The following IGF2BP3 variants were observed in gnomAD, a reference collection of about 807,000 sequenced individuals.
IGF2BP3 encodes the protein insulin-like growth factor 2 mRNA-binding protein 3.
IGF2BP3 carries 9 observed loss-of-function variants against 73.8 expected under a neutral mutation model. The observed-to-expected ratio is 0.12, with a 90% CI of 0.07 to 0.21. IGF2BP3 has a LOEUF of 0.21. IGF2BP3 is among the 10% of genes least tolerant of loss of function. The probability of loss-of-function intolerance (pLI) is 1.00; values close to 1 mark genes in which losing one functional copy is unlikely to be tolerated. For missense variants in IGF2BP3, 542 were observed against 714.0 expected, an observed-to-expected ratio of 0.76 and a Z score of 2.75; for synonymous variants, 258 against 256.7, an observed-to-expected ratio of 1.01 and a Z score of -0.05.
At chr7:23,323,002 A>C (rs1422469176) in intron 10 of IGF2BP3, among the ~76,000 whole-genome samples, 2 of 152,230 alleles carry the variant, frequency 1.3e-5, no homozygotes, top group Non-Finnish European at 2.9e-5. Flanking sequence ...ACTAGGAAGA[A>C]ACTGCATGAA....
At chr7:23,390,010 G>A (rs1429649098) in intron 3 of IGF2BP3, among the ~76,000 whole-genome samples, 1 of 151,986 alleles carries the variant, frequency 6.6e-6, no homozygotes, top group Admixed American at 6.6e-5. Context: ...TTGACTATTG[G>A]TCAAAGATAG....
At chr7:23,373,957 C>T (rs759623330) in intron 3 of IGF2BP3, among the ~76,000 whole-genome samples, 1 of 152,228 alleles carries the variant, frequency 6.6e-6, no homozygotes, top group Non-Finnish European at 1.5e-5. Context: ...CTCCCCTCTA[C>T]CTTTCACCAT....
chr7:23,443,186 TGCGATCTC>T (rs1359006004), intron 2 of IGF2BP3, among the ~76,000 whole-genome samples: 3 of 138,582 alleles, frequency 2.2e-5, no homozygotes, highest in African/African-American at 8.3e-5. Context: ...AGTGCAGTGG[TGCGATCTC>T]GGCTCACTGT....
chr7:23,329,401 A>T (rs965347511), intron 10 of IGF2BP3, among the ~76,000 whole-genome samples: 2 of 152,166 alleles, frequency 1.3e-5, no homozygotes, highest in African/African-American at 4.8e-5. Flanking sequence ...TTCCAACTTC[A>T]ATGTTTCAAT....
intron 2 of IGF2BP3, among the ~76,000 whole-genome samples, chr7:23,462,394 C>T (rs972051759): frequency 6.8e-6 from 1 of 147,988 alleles, no homozygotes; most frequent in African/African-American, 2.5e-5. Flanking sequence ...CGGAGTCTTG[C>T]TCTGTCACCC....
intron 3 of IGF2BP3, among the ~76,000 whole-genome samples, chr7:23,385,369 A>T (rs1786049507): frequency 6.6e-6 from 1 of 152,228 alleles, no homozygotes; most frequent in Non-Finnish European, 1.5e-5. Flanking sequence ...TTGGCAGCAC[A>T]GTACAATCAC....
Position 23,351,202 on chromosome 7 carries a change from C to T in IGF2BP3, c.683+103G>A, listed in dbSNP as rs183619706. On this transcript the variant is annotated intron_variant, in intron 6 of 14. Coordinates refer to ENST00000258729, the MANE Select transcript of IGF2BP3 (RefSeq NM_006547.3). ...TCCCAAGTACTGTACAAGGAGTCCT[C>T]ATGGCTGTGTTCAGAAGGGCACCAA... 4.7e-3 allele frequency: 5,995 copies of T among 1,287,018 alleles called. 28 individuals carry two copies. The highest frequency in any genetic ancestry group is 7.3e-3 in the South Asian group (534 of 72,672). 79.7% of individuals were successfully genotyped at this position (1,287,018 alleles called of 1,614,324 possible).
At chr7:23,396,440 TA>T in intron 3 of IGF2BP3, 1 of 174,500 alleles carries the variant, frequency 5.7e-6, no homozygotes, top group Non-Finnish European at 1.3e-5. Flanking sequence ...CACACAATGC[TA>T]AGTCAAATAA....
At chr7:23,426,645 G>C (rs1390487915) in intron 2 of IGF2BP3, among the ~76,000 whole-genome samples, 1 of 152,194 alleles carries the variant, frequency 6.6e-6, no homozygotes, top group African/African-American at 2.4e-5. Flanking sequence ...TCCTGTAATA[G>C]TGTTTAATAC....
chr7:23,407,326 G>C (rs1298571452), intron 3 of IGF2BP3, among the ~76,000 whole-genome samples: 1 of 148,260 alleles, frequency 6.7e-6, no homozygotes, highest in Non-Finnish European at 1.5e-5. Flanking sequence ...AAAAAAAAAA[G>C]GGCTGGGTGT....
At chr7:23,389,855 C>A (rs1786214929) in intron 3 of IGF2BP3, among the ~76,000 whole-genome samples, 2 of 148,310 alleles carry the variant, frequency 1.3e-5, no homozygotes, top group African/African-American at 5.1e-5. Context: ...AAAAAATTAG[C>A]TGGGTGTGGT....
In IGF2BP3 at chr7:23,327,901, A is replaced by G. The variant is rs536923794; in HGVS notation, c.1204-8647T>C. On this transcript the variant is annotated intron_variant, in intron 10 of 14. Transcript: ENST00000258729. Reference sequence around the variant, plus strand: ...ATCCATGGAGAGATACTGATCACCAACGGCAGAACCCCACATCAGACACAC... The same window carrying G: ...ATCCATGGAGAGATACTGATCACCAGCGGCAGAACCCCACATCAGACACAC... 2.6e-5 allele frequency among the ~76,000 whole-genome samples: 4 copies of G among 152,294 alleles called. No homozygotes were observed. The East Asian group carries it at 7.7e-4, about 29-fold the overall frequency.
chr7:23,414,859 C>T (rs1787136652), intron 3 of IGF2BP3: 2 of 174,686 alleles, frequency 1.1e-5, no homozygotes, highest in Non-Finnish European at 1.2e-5. Flanking sequence ...AGGCCCTGTC[C>T]GTCAGTCGGC....
Position 23,469,798 on chromosome 7 carries a change from C to A in IGF2BP3, c.175+138G>T, listed in dbSNP as rs1788671373. The A allele has an allele frequency of 7.6e-6, 3 of 395,474 alleles. No homozygotes were observed. Among genetic ancestry groups the A allele is most frequent in the Non-Finnish European group, 1.3e-5 (3 of 236,036 alleles). The allele number at this position is 395,474 out of a possible 1,614,324, so 24.5% of individuals were successfully genotyped here. On this transcript the variant is annotated intron_variant, in intron 1 of 14. Transcript: ENST00000258729. This position sits in a 1 kb window ranked among gnomAD's most constrained non-coding sequence, Gnocchi z 6.1. ...GCTGAGGAGAGCCCCGGCCCCCACG[C>A]GCGTGGGTGTGGGCGCTCAGGCCTC...
chr7:23,411,463 T>A (rs1002512429), intron 3 of IGF2BP3, among the ~76,000 whole-genome samples: 1 of 151,926 alleles, frequency 6.6e-6, no homozygotes, highest in Non-Finnish European at 1.5e-5. Flanking sequence ...ACACCTGTAA[T>A]CCCAGCTACT....
At chr7:23,440,244 C>T (rs1474119346) in intron 2 of IGF2BP3, among the ~76,000 whole-genome samples, 3 of 147,334 alleles carry the variant, frequency 2.0e-5, no homozygotes, top group Non-Finnish European at 3.0e-5. Flanking sequence ...GCCTGGACAA[C>T]AGAGCAGAAA....
At chr7:23,467,450 GA>G (rs1788591279) in intron 2 of IGF2BP3, among the ~76,000 whole-genome samples, 1 of 152,192 alleles carries the variant, frequency 6.6e-6, no homozygotes, top group Admixed American at 6.5e-5. Flanking sequence ...GGGGATGGGA[GA>G]GGGGCAGGCA....
In IGF2BP3 at chr7:23,470,186, C is replaced by T. The variant is rs751980848; in HGVS notation, c.-76G>A. 263 of 1,252,750 alleles carry T rather than the reference C, an allele frequency of 2.1e-4. No homozygotes were observed. The highest frequency in any genetic ancestry group is 2.7e-4 in the Non-Finnish European group (242 of 896,314). The allele number at this position is 1,252,750 out of a possible 1,614,324, so 77.6% of individuals were successfully genotyped here. A position where few individuals can be genotyped will look rare whatever the true frequency, so the allele number is the denominator to read the frequency against. On this transcript the variant is annotated 5_prime_UTR_variant, in exon 1 of 15. Coordinates refer to ENST00000258729, the MANE Select transcript of IGF2BP3 (RefSeq NM_006547.3). ...AAACCACCCACGGTGATGGATGGAT[C>T]CAGCTGGTTTTGTTCCCCTCGTCTT...
intron 7 of IGF2BP3, among the ~76,000 whole-genome samples, chr7:23,347,216 T>TC (rs954896572): frequency 3.3e-5 from 5 of 151,938 alleles, no homozygotes; most frequent in African/African-American, 1.2e-4. Flanking sequence ...ACCTCCACAC[T>TC]CCCTGCTGCT....
Sources: gnomAD v4.1 joint callset for allele counts (sites outside exome capture counted in the v4.1 genomes callset) on GRCh38, gnomAD v4.1.1 for gene constraint, Gnocchi (gnomAD v3.1) non-coding constraint, MANE v1.5 for transcripts, NCBI Gene and HGNC (gene_info 2026-07-23, HGNC 2026-07-21) for gene names.